Variants in AAK1 observed in about 807,000 individuals in gnomAD.
The protein encoded by AAK1 is AP2 associated kinase 1, also known as AP2-associated protein kinase 1.
Under a neutral mutation model 116.0 loss-of-function variants are expected in AAK1, and 37 were observed. The ratio of observed to expected loss-of-function variants is 0.32; its 90% CI spans 0.25 to 0.42. The LOEUF (loss-of-function observed/expected upper bound fraction) is 0.42. Ranked by LOEUF, AAK1 falls within the 10% of genes least tolerant of loss-of-function variation. The pLI is 1.00. For missense variants in AAK1, 919 were observed against 1,170.6 expected (o/e 0.79, Z 3.14); for synonymous variants, 458 against 439.9 (o/e 1.04, Z -0.51).
intron 2 of AAK1, among the ~76,000 whole-genome samples, chr2:69,591,331 C>T (rs1329864800): frequency 6.6e-6 from 1 of 152,068 alleles, no homozygotes; most frequent in African/African-American, 2.4e-5. Flanking sequence ...ACCACTGTGA[C>T]CGTACCCAAG....
chr2:69,484,927 A>G (rs187133324), intron 17 of AAK1, among the ~76,000 whole-genome samples: 21 of 152,038 alleles, frequency 1.4e-4, no homozygotes, highest in Non-Finnish European at 3.1e-4. Context: ...AAAAAAAGGA[A>G]GTTTTTCAGT....
chr2:69,476,000 A>G (rs1428197504), intron 21 of AAK1, 37 bp from the exon 22 acceptor site: 8 of 1,589,174 alleles, frequency 5.0e-6, no homozygotes, highest in Non-Finnish European at 6.0e-6. Flanking sequence ...TACAAAACAT[A>G]GAGGGTTAAG....
intron 2 of AAK1, among the ~76,000 whole-genome samples, chr2:69,560,490 T>C (rs1671588337): frequency 6.6e-6 from 1 of 152,384 alleles, no homozygotes; most frequent in South Asian, 2.1e-4. Flanking sequence ...TCAGTCTCTC[T>C]GCCTACTGGC....
Position 69,470,523 on chromosome 2 carries a change from C to G in AAK1, c.*5346G>C. The G allele has an allele frequency of 3.0e-6, 3 of 985,440 alleles. No homozygotes were observed. Among genetic ancestry groups the G allele is most frequent in the Non-Finnish European group, 3.6e-6 (3 of 829,934 alleles). 61.0% of individuals were successfully genotyped at this position (985,440 alleles called of 1,614,324 possible). A position where few individuals can be genotyped will look rare whatever the true frequency, so the allele number is the denominator to read the frequency against. On this transcript the variant is annotated 3_prime_UTR_variant, in exon 22 of 22. Coordinates refer to ENST00000409085, the MANE Select transcript of AAK1 (RefSeq NM_014911.5). ...GCCAAAAATGGCCAGCTGTGCCTCT[C>G]AGGCCAATGAGGCAATTAAATGAGT...
At chr2:69,517,234 T>C (rs2104988898) in intron 12 of AAK1, among the ~76,000 whole-genome samples, 1 of 152,288 alleles carries the variant, frequency 6.6e-6, no homozygotes, top group East Asian at 1.9e-4. Context: ...GTGTTTTTCC[T>C]GCCTTTTCTG....
At position 69,556,964 on chromosome 2, in the gene AAK1, C is replaced by T; in HGVS notation, c.178G>A (p.Val60Ile). ...EVLAEGGFAI[V>I]FLVRTSNGMK... ...CCATTGCTTGTCCTCACCAGAAATA[C>T]AATAGCAAATCCACCTGTGAGAGAA... The change falls in exon 3 of 22, where the codon GTA becomes ATA. Residue 60 changes from valine to isoleucine, a missense_variant. This residue lies in a region of AAK1 where 317 missense variants were observed against 490.4 expected (regional missense o/e 0.65). Coordinates refer to ENST00000409085, the MANE Select transcript of AAK1 (RefSeq NM_014911.5). 1.2e-6 allele frequency: 2 copies of T among 1,613,102 alleles called. No homozygotes were observed. Among genetic ancestry groups the T allele is most frequent in the Non-Finnish European group, 1.7e-6 (2 of 1,179,102 alleles).
At chr2:69,538,019 T>C (rs766375994) in intron 5 of AAK1, among the ~76,000 whole-genome samples, 53 of 152,318 alleles carry the variant, frequency 3.5e-4, no homozygotes, top group Middle Eastern at 3.4e-3. Flanking sequence ...CAGAGTCCAA[T>C]ACAATCAGCT....
chr2:69,630,324 T>G (rs1479113752), intron 2 of AAK1, among the ~76,000 whole-genome samples: 2 of 30,028 alleles, frequency 6.7e-5, no homozygotes, highest in African/African-American at 2.7e-4. Flanking sequence ...GTGAATACTC[T>G]GAGTGGGGCG....
At chr2:69,502,492 A>C (rs1306048482) in intron 16 of AAK1, among the ~76,000 whole-genome samples, 1 of 152,094 alleles carries the variant, frequency 6.6e-6, no homozygotes, top group Non-Finnish European at 1.5e-5. Flanking sequence ...GTGGTGGTGC[A>C]TGCTTGTAAT....
intron 2 of AAK1, among the ~76,000 whole-genome samples, chr2:69,567,128 TTTC>T (rs1377358550): frequency 6.6e-6 from 1 of 152,230 alleles, no homozygotes; most frequent in East Asian, 1.9e-4. Flanking sequence ...AAGAGCCTTC[TTTC>T]TTCTTCAGCA....
intron 2 of AAK1, among the ~76,000 whole-genome samples, chr2:69,613,999 A>G (rs1674206139): frequency 6.6e-6 from 1 of 152,216 alleles, no homozygotes; most frequent in Non-Finnish European, 1.5e-5. Flanking sequence ...GTCAGAATTA[A>G]TTTGAATAGT....
At chr2:69,618,870 G>A (rs371822795) in intron 2 of AAK1, among the ~76,000 whole-genome samples, 2 of 152,006 alleles carry the variant, frequency 1.3e-5, no homozygotes, top group Non-Finnish European at 2.9e-5. Context: ...CCCCCATTCT[G>A]ACACACCCTC....
chr2:69,640,314 G>A (rs1021638031), intron 2 of AAK1, among the ~76,000 whole-genome samples: 1 of 152,002 alleles, frequency 6.6e-6, no homozygotes, highest in African/African-American at 2.4e-5. Flanking sequence ...CAACAAGCTC[G>A]CAGGTGATAA....
intron 2 of AAK1, among the ~76,000 whole-genome samples, chr2:69,599,944 ATTT>A (rs57552852): frequency 2.0e-4 from 28 of 138,350 alleles, no homozygotes; most frequent in East Asian, 6.2e-4. Flanking sequence ...TATCCAGCTA[ATTT>A]TTTTTTTTTT....
chr2:69,507,748 C>T (rs989226299), intron 14 of AAK1, among the ~76,000 whole-genome samples, 170 bp from the exon 15 acceptor site: 2 of 151,322 alleles, frequency 1.3e-5, no homozygotes, highest in Admixed American at 1.3e-4. Flanking sequence ...GCTCTTTCAC[C>T]CACGTTGGAG....
At chr2:69,557,780 A>G (rs1432863710) in intron 2 of AAK1, among the ~76,000 whole-genome samples, 6 of 152,202 alleles carry the variant, frequency 3.9e-5, no homozygotes, top group Admixed American at 3.9e-4. Context: ...CTAGGAAATT[A>G]TTTCACTAAT....
intron 18 of AAK1, chr2:69,482,369 A>G (rs78943549): frequency 1.9e-6 from 1 of 537,136 alleles, no homozygotes; most frequent in African/African-American, 1.9e-5. Flanking sequence ...AAAAAAAAAA[A>G]AGAAGAATCT....
intron 2 of AAK1, among the ~76,000 whole-genome samples, chr2:69,557,839 T>C (rs1371587646): frequency 6.6e-6 from 1 of 152,232 alleles, no homozygotes; most frequent in Admixed American, 6.5e-5. Flanking sequence ...CCTCTTCTTT[T>C]CTTCTCATCC....
chr2:69,533,601 T>G (rs1193073915), intron 5 of AAK1, among the ~76,000 whole-genome samples: 1 of 152,166 alleles, frequency 6.6e-6, no homozygotes, highest in Admixed American at 6.5e-5. Flanking sequence ...CTTATGGTGG[T>G]GTTGTGAGGA....
Sources: gnomAD v4.1 joint callset for allele counts (sites outside exome capture counted in the v4.1 genomes callset) on GRCh38, gnomAD v4.1.1 for gene constraint, gnomAD v4.1.1 regional missense constraint, MANE v1.5 for transcripts, NCBI Gene and HGNC (gene_info 2026-07-23, HGNC 2026-07-21) for gene names.